Variants in LARP4B observed in about 807,000 individuals in gnomAD.
LARP4B encodes the protein La ribonucleoprotein 4B.
Under a neutral mutation model 89.8 loss-of-function variants are expected in LARP4B, and 12 were observed. That is an observed-to-expected ratio of 0.13 (90% CI 0.09 to 0.22). LARP4B has a LOEUF of 0.22. LARP4B is among the 10% of genes least tolerant of loss of function. The pLI, the probability that LARP4B is intolerant of heterozygous loss-of-function variation, is 1.00. For missense variants in LARP4B, 757 were observed against 947.7 expected (o/e 0.80, Z 2.64); for synonymous variants, 367 against 363.3 (o/e 1.01, Z -0.12).
At chr10:981,818 C>T in the LARP4B span, among the ~76,000 whole-genome samples, 311 of 152,012 alleles carry the variant, frequency 2.0e-3, 1 homozygote, top group African/African-American at 6.8e-3. Flanking sequence ...CCACCTGCCT[C>T]GGCCTCCCAA....
chr10:883,882 A>C (rs1349274866), intron 3 of LARP4B, among the ~76,000 whole-genome samples: 1 of 152,140 alleles, frequency 6.6e-6, no homozygotes, highest in Non-Finnish European at 1.5e-5. Flanking sequence ...TTTTTACATA[A>C]AATATTTTTA....
At chr10:973,541 C>G in the LARP4B span, among the ~76,000 whole-genome samples, 1 of 151,928 alleles carries the variant, frequency 6.6e-6, no homozygotes, top group Non-Finnish European at 1.5e-5. Flanking sequence ...TTAGTAGAGA[C>G]GGGGTTTCAC....
chr10:915,222 C>A (rs1164025618), intron 1 of LARP4B, among the ~76,000 whole-genome samples: 1 of 151,830 alleles, frequency 6.6e-6, no homozygotes, highest in Non-Finnish European at 1.5e-5. Flanking sequence ...GAGTTTGAGG[C>A]TGCAGCGAGC....
At chr10:857,158 G>A (rs944649351) in intron 5 of LARP4B, among the ~76,000 whole-genome samples, 2 of 152,250 alleles carry the variant, frequency 1.3e-5, no homozygotes, top group African/African-American at 2.4e-5. Flanking sequence ...AATGTCAAGA[G>A]CAGAGCAAGC....
intron 1 of LARP4B, among the ~76,000 whole-genome samples, chr10:926,550 A>T (rs918803279): frequency 6.6e-6 from 1 of 152,212 alleles, no homozygotes; most frequent in African/African-American, 2.4e-5. Flanking sequence ...AGTTTCTGAA[A>T]AGAGGCCAGC....
the LARP4B span, among the ~76,000 whole-genome samples, chr10:982,498 G>A: frequency 1.3e-5 from 2 of 152,202 alleles, no homozygotes; most frequent in Admixed American, 1.3e-4. Context: ...AAATTGTGAT[G>A]AGTTGACAAG....
intron 5 of LARP4B, among the ~76,000 whole-genome samples, chr10:855,869 G>C (rs771487063): frequency 1.3e-5 from 2 of 152,216 alleles, no homozygotes; most frequent in Non-Finnish European, 2.9e-5. Flanking sequence ...GAGTCAAAGC[G>C]GGCTAGCGCA....
chr10:892,889 T>G (rs1317244908), intron 1 of LARP4B, among the ~76,000 whole-genome samples: 1 of 146,320 alleles, frequency 6.8e-6, no homozygotes, highest in Non-Finnish European at 1.5e-5. Flanking sequence ...ACCCTACAAA[T>G]TCACCAAGAG....
intron 7 of LARP4B, among the ~76,000 whole-genome samples, chr10:838,987 T>C (rs1373477326): frequency 2.6e-5 from 4 of 152,176 alleles, no homozygotes; most frequent in Admixed American, 6.5e-5. Context: ...TCAACATATA[T>C]TGCTAAGTGA....
chr10:897,754 G>A (rs567487466), intron 1 of LARP4B, among the ~76,000 whole-genome samples: 7 of 151,992 alleles, frequency 4.6e-5, no homozygotes, highest in South Asian at 2.1e-4. Flanking sequence ...TTCCGAGGCC[G>A]AAGCAGGCAG....
chr10:964,404 G>A, the LARP4B span, among the ~76,000 whole-genome samples: 1 of 137,280 alleles, frequency 7.3e-6, no homozygotes, highest in East Asian at 2.2e-4. Flanking sequence ...TAATATTTTA[G>A]TAACATTAGT....
chr10:916,527 C>G (rs918454045), intron 1 of LARP4B, among the ~76,000 whole-genome samples: 11 of 152,144 alleles, frequency 7.2e-5, no homozygotes, highest in African/African-American at 1.9e-4. Context: ...GAAACCCCAT[C>G]TCTACTAAAA....
chr10:967,363 C>T, the LARP4B span, among the ~76,000 whole-genome samples: 1 of 152,062 alleles, frequency 6.6e-6, no homozygotes, highest in African/African-American at 2.4e-5. Flanking sequence ...TGAAAGGAAA[C>T]AAAAGCTTGT....
In LARP4B at chr10:897,987, C is replaced by CAAAAAAAAA. The variant is rs58452748; in HGVS notation, c.-39-12236_-39-12228dup. Among the ~76,000 whole-genome samples, 2 of 25,648 alleles carry CAAAAAAAAA rather than the reference C, an allele frequency of 7.8e-5. 1 individual carries two copies. The highest frequency in any genetic ancestry group is 3.6e-4 in the African/African-American group (2 of 5,616). 16.8% of individuals were successfully genotyped at this position (25,648 alleles called of 152,430 possible). Reference sequence around the variant, plus strand: ...TGGGCGACAAAGCGAGGCTCCATCTCAAAAAAAAAAAAAAAAAAAAAAAAA... The same window carrying CAAAAAAAAA: ...TGGGCGACAAAGCGAGGCTCCATCTCAAAAAAAAAAAAAAAAAAAAAAAAAAAAAAAAAA... On this transcript the variant is annotated intron_variant, in intron 1 of 17. Coordinates refer to ENST00000316157, the MANE Select transcript of LARP4B (RefSeq NM_015155.3).
chr10:879,842 C>T (rs1020159819), intron 3 of LARP4B, among the ~76,000 whole-genome samples: 4 of 152,132 alleles, frequency 2.6e-5, no homozygotes, highest in Non-Finnish European at 4.4e-5. Flanking sequence ...GGCACTATCT[C>T]GGCTCAATGC....
At chr10:951,429 T>C in the LARP4B span, among the ~76,000 whole-genome samples, 1 of 151,624 alleles carries the variant, frequency 6.6e-6, no homozygotes, top group Non-Finnish European at 1.5e-5. Context: ...GTGCCTGTAA[T>C]CCCAACTCGA....
At chr10:867,880 A>C (rs968502929) in intron 3 of LARP4B, among the ~76,000 whole-genome samples, 13 of 150,984 alleles carry the variant, frequency 8.6e-5, no homozygotes, top group African/African-American at 1.7e-4. Flanking sequence ...AAAAAAAAAA[A>C]AAAAAACTCC....
At chr10:896,314 G>T (rs998993858) in intron 1 of LARP4B, among the ~76,000 whole-genome samples, 2 of 152,192 alleles carry the variant, frequency 1.3e-5, no homozygotes, top group African/African-American at 4.8e-5. Context: ...CCACAGTGGA[G>T]TTTTGGTATA....
intron 1 of LARP4B, among the ~76,000 whole-genome samples, chr10:917,195 A>G (rs79092410): frequency 0.012 from 1,788 of 152,288 alleles, 31 homozygotes; most frequent in African/African-American, 0.04. Context: ...TGTTTGAAAC[A>G]TTGCTGATTC....
Sources: gnomAD v4.1 joint callset for allele counts (sites outside exome capture counted in the v4.1 genomes callset) on GRCh38, gnomAD v4.1.1 for gene constraint, MANE v1.5 for transcripts, NCBI Gene and HGNC (gene_info 2026-07-23, HGNC 2026-07-21) for gene names.